TBCA: variants seen among roughly 807,000 people sequenced by gnomAD.
The protein encoded by TBCA is tubulin folding cofactor A.
A neutral mutation model predicts 15.8 loss-of-function variants in TBCA; 6 were observed. That is an observed-to-expected ratio of 0.38 (90% confidence interval 0.21 to 0.75). TBCA has a LOEUF of 0.75. Ranked by LOEUF, TBCA falls within the 30% of genes least tolerant of loss-of-function variation. The pLI is 0.46. For synonymous variants in TBCA, 32 were observed against 42.3 expected (o/e 0.76, Z 0.94); for missense variants, 90 against 131.2 (o/e 0.69, Z 1.53).
At chr5:77,691,909 A>G in intron 3 of TBCA, 1 of 989,406 alleles carries the variant, frequency 1.0e-6, no homozygotes, top group Non-Finnish European at 1.2e-6. Flanking sequence ...CTGACTATTC[A>G]CAATGACAAA....
chr5:77,772,092 A>AG (rs1174299843), intron 1 of TBCA, among the ~76,000 whole-genome samples: 1 of 152,094 alleles, frequency 6.6e-6, no homozygotes, highest in African/African-American at 2.4e-5. Context: ...TTAAAAAAAA[A>AG]AAAAGAAAAG....
intron 3 of TBCA, chr5:77,692,654 A>C (rs1046320286): frequency 1.0e-6 from 1 of 985,304 alleles, no homozygotes; most frequent in Non-Finnish European, 1.2e-6. Context: ...AGAAAAAAGC[A>C]TTTAAACTGT....
intron 1 of TBCA, among the ~76,000 whole-genome samples, chr5:77,718,593 G>C (rs1746458658): frequency 6.6e-6 from 1 of 152,144 alleles, no homozygotes; most frequent in African/African-American, 2.4e-5. Flanking sequence ...AATTCAGTGA[G>C]TTTTAGTCAT....
At chr5:77,731,029 T>C (rs774335691) in intron 1 of TBCA, among the ~76,000 whole-genome samples, 13 of 152,204 alleles carry the variant, frequency 8.5e-5, no homozygotes, top group Non-Finnish European at 1.3e-4. Flanking sequence ...TGTACATACA[T>C]GTATGCCCTT....
chr5:77,746,749 C>T lies in TBCA; in HGVS notation c.53+29456G>A, dbSNP rs988744343. 2.6e-5 allele frequency among the ~76,000 whole-genome samples: 4 copies of T among 152,096 alleles called. No individual in the cohort carries two copies. The East Asian group carries it at 5.8e-4, about 22-fold the overall frequency. ...TACCATCTGGACCACAGATTAAGTA[C>T]TATGCTTATTTTTAAAGAAATACCA... On this transcript the variant is annotated intron_variant, in intron 1 of 3. Coordinates refer to ENST00000380377, the MANE Select transcript of TBCA (RefSeq NM_004607.3).
chr5:77,752,880 C>T (rs987296967), intron 1 of TBCA, among the ~76,000 whole-genome samples: 27 of 152,196 alleles, frequency 1.8e-4, no homozygotes, highest in African/African-American at 4.8e-4. Flanking sequence ...TTAATAGAGA[C>T]GGAGTTTCAC....
intron 1 of TBCA, among the ~76,000 whole-genome samples, chr5:77,761,043 G>A (rs7701907): frequency 0.18 from 26,385 of 150,426 alleles, 2,644 homozygotes; most frequent in African/African-American, 0.25. Context: ...CTGCCGCCCC[G>A]TCTGGGAAGT....
intron 2 of TBCA, among the ~76,000 whole-genome samples, chr5:77,704,800 A>G (rs1249330545): frequency 1.3e-5 from 2 of 152,234 alleles, no homozygotes; most frequent in Non-Finnish European, 2.9e-5. Context: ...ACAACTATAT[A>G]CATGGTAGGT....
intron 2 of TBCA, among the ~76,000 whole-genome samples, chr5:77,694,012 TGGGATCAGCTGGTTATATAAA>T (rs1034535095): frequency 1.3e-5 from 2 of 152,132 alleles, no homozygotes; most frequent in African/African-American, 4.8e-5. Context: ...TTATCTAAAA[TGGGATCAGCTGGTTATATAAA>T]TATCTCCTGC....
At chr5:77,698,205 G>A (rs192513336) in intron 2 of TBCA, among the ~76,000 whole-genome samples, 2 of 150,316 alleles carry the variant, frequency 1.3e-5, no homozygotes, top group Non-Finnish European at 3.0e-5. Flanking sequence ...CCTTTATTAA[G>A]ACAGACAAAG....
In TBCA at chr5:77,750,149, T is replaced by TATAG. The variant is rs1177618704; in HGVS notation, c.53+26055_53+26056insCTAT. On this transcript the variant is annotated intron_variant, in intron 1 of 3. Coordinates refer to ENST00000380377, the MANE Select transcript of TBCA (RefSeq NM_004607.3). ...AATTTGTGCTCTCTCTCTATATATA[T>TATAG]AGAGAGAGAGCACAAATATATATAT... Among the ~76,000 whole-genome samples, 778 of 150,276 alleles carry TATAG rather than the reference T, an allele frequency of 5.2e-3. 10 individuals are homozygous for TATAG. Among genetic ancestry groups the TATAG allele is most frequent in the African/African-American group, 0.018 (731 of 40,834 alleles).
chr5:77,763,051 G>A (rs576861044), intron 1 of TBCA, among the ~76,000 whole-genome samples: 27 of 152,274 alleles, frequency 1.8e-4, no homozygotes, highest in African/African-American at 6.5e-4. Context: ...AGACCATCCT[G>A]GATAACATGG....
At chr5:77,706,423 C>T (rs1398645215) in intron 2 of TBCA, among the ~76,000 whole-genome samples, 1 of 151,950 alleles carries the variant, frequency 6.6e-6, no homozygotes, top group Non-Finnish European at 1.5e-5. Context: ...AAGAAGTATG[C>T]CAACAGGGAG....
intron 1 of TBCA, among the ~76,000 whole-genome samples, chr5:77,740,760 T>C (rs538351216): frequency 1.2e-4 from 18 of 152,228 alleles, no homozygotes; most frequent in South Asian, 2.1e-4. Flanking sequence ...ATATTGCTCA[T>C]TGGAGTGCTG....
chr5:77,755,935 C>T (rs1302515187), intron 1 of TBCA, among the ~76,000 whole-genome samples: 2 of 152,160 alleles, frequency 1.3e-5, no homozygotes, highest in East Asian at 3.9e-4. Context: ...ACCCGGGAGG[C>T]GGAGGTTGCG....
At chr5:77,772,387 G>A (rs902219285) in intron 1 of TBCA, among the ~76,000 whole-genome samples, 4 of 151,862 alleles carry the variant, frequency 2.6e-5, no homozygotes, top group Admixed American at 6.6e-5. Flanking sequence ...ATGACGGGTC[G>A]ACAGGTGCAG....
intron 3 of TBCA, chr5:77,692,581 G>C: frequency 1.0e-6 from 1 of 985,140 alleles, no homozygotes; most frequent in Non-Finnish European, 1.2e-6. Context: ...CACTGCACCT[G>C]GCGGCCAACA....
chr5:77,694,051 G>A (rs1745818977), intron 2 of TBCA, among the ~76,000 whole-genome samples: 1 of 152,050 alleles, frequency 6.6e-6, no homozygotes, highest in Admixed American at 6.5e-5. Flanking sequence ...TGCATCTTTT[G>A]AGTAATAAAG....
intron 1 of TBCA, among the ~76,000 whole-genome samples, chr5:77,747,757 G>A (rs1055647590): frequency 1.2e-4 from 19 of 152,098 alleles, no homozygotes; most frequent in African/African-American, 4.3e-4. Context: ...AGATACTTTG[G>A]CAATAGTGTT....
Sources: gnomAD v4.1 joint callset for allele counts (sites outside exome capture counted in the v4.1 genomes callset) on GRCh38, gnomAD v4.1.1 for gene constraint, MANE v1.5 for transcripts, NCBI Gene and HGNC (gene_info 2026-07-23, HGNC 2026-07-21) for gene names.